The following KCNIP4 variants were observed in gnomAD, a reference collection of about 807,000 sequenced individuals.
The protein encoded by KCNIP4 is potassium voltage-gated channel interacting protein 4.
In KCNIP4, 12 loss-of-function variants were observed where a neutral mutation model predicts 34.0. That is an observed-to-expected ratio of 0.35 (90% CI 0.23 to 0.57). KCNIP4 has a LOEUF of 0.57. Ranked by LOEUF, KCNIP4 falls within the 20% of genes least tolerant of loss-of-function variation. The pLI is 0.83. For missense variants in KCNIP4, 238 were observed against 311.7 expected, an observed-to-expected ratio of 0.76 and a Z score of 1.78; for synonymous variants, 124 against 102.2, an observed-to-expected ratio of 1.21 and a Z score of -1.29.
At chr4:21,106,577 T>C (rs1348985365) in intron 1 of KCNIP4, among the ~76,000 whole-genome samples, 2 of 79,708 alleles carry the variant, frequency 2.5e-5, no homozygotes, top group African/African-American at 1.3e-4. Context: ...TTTTGAAGGG[T>C]TTTTTGTGTC....
chr4:21,632,547 T>A (rs1444883442), intron 1 of KCNIP4, among the ~76,000 whole-genome samples: 3 of 152,156 alleles, frequency 2.0e-5, no homozygotes, highest in Non-Finnish European at 4.4e-5. Context: ...TATAATAACC[T>A]CCTCTTTGCC....
At chr4:20,838,817 T>C (rs753949868) in intron 3 of KCNIP4, among the ~76,000 whole-genome samples, 4 of 152,198 alleles carry the variant, frequency 2.6e-5, no homozygotes, top group Non-Finnish European at 5.9e-5. Flanking sequence ...TCTTATAGGA[T>C]TGTTGCAGAT....
chr4:21,609,240 T>G (rs1454032332), intron 1 of KCNIP4, among the ~76,000 whole-genome samples: 2 of 152,070 alleles, frequency 1.3e-5, no homozygotes, highest in Non-Finnish European at 2.9e-5. Context: ...TGAATAAAAT[T>G]ATGGGTGTGT....
At position 20,852,381 on chromosome 4, in the gene KCNIP4, G is replaced by A. The variant is rs373537097; in HGVS notation, c.164-1714C>T. Reference sequence around the variant, plus strand: ...ACAGAATTAAAAACAAAAATCACACGATCATCTCAGTAGATGCTGAAAACC... The same window carrying A: ...ACAGAATTAAAAACAAAAATCACACAATCATCTCAGTAGATGCTGAAAACC... On this transcript the variant is annotated intron_variant, in intron 2 of 8. Transcript: ENST00000382152. 2.8e-4 allele frequency among the ~76,000 whole-genome samples: 43 copies of A among 152,182 alleles called. No individual in the cohort carries two copies. The South Asian group carries it at 3.7e-3, about 13-fold the overall frequency.
intron 1 of KCNIP4, among the ~76,000 whole-genome samples, chr4:21,173,939 C>T (rs1754203670): frequency 6.6e-6 from 1 of 152,176 alleles, no homozygotes; most frequent in Non-Finnish European, 1.5e-5. Flanking sequence ...CCTTTCTTAT[C>T]TCTGCACACC....
chr4:20,896,589 G>A (rs566163336), intron 1 of KCNIP4, among the ~76,000 whole-genome samples: 10 of 152,182 alleles, frequency 6.6e-5, no homozygotes, highest in Non-Finnish European at 1.2e-4. Context: ...AGGATTTCCC[G>A]TAATGACCAG....
intron 1 of KCNIP4, among the ~76,000 whole-genome samples, chr4:21,097,832 G>A (rs996980013): frequency 3.3e-5 from 5 of 152,140 alleles, no homozygotes; most frequent in African/African-American, 1.2e-4. Flanking sequence ...CCGTCTTTTA[G>A]TTTAAATCAA....
intron 1 of KCNIP4, among the ~76,000 whole-genome samples, chr4:20,940,075 T>C (rs1731485018): frequency 6.6e-6 from 1 of 151,600 alleles, no homozygotes; most frequent in Admixed American, 6.6e-5. Context: ...TCTCAATCCA[T>C]CAACCATTTC....
intron 1 of KCNIP4, among the ~76,000 whole-genome samples, chr4:21,502,300 G>T (rs1036511087): frequency 6.6e-6 from 1 of 152,054 alleles, no homozygotes; most frequent in African/African-American, 2.4e-5. Context: ...CTAATTAAAA[G>T]CTTAGTTCAG....
intron 1 of KCNIP4, among the ~76,000 whole-genome samples, chr4:20,940,346 T>C (rs771709651): frequency 2.0e-5 from 3 of 152,218 alleles, no homozygotes; most frequent in Non-Finnish European, 4.4e-5. Flanking sequence ...GCCTTTGAGT[T>C]CTTCGAGGAA....
At chr4:20,849,598 T>G (rs541126035) in intron 3 of KCNIP4, among the ~76,000 whole-genome samples, 25 of 151,908 alleles carry the variant, frequency 1.6e-4, no homozygotes, top group Non-Finnish European at 3.4e-4. Flanking sequence ...CATCACAGAC[T>G]TCTACACGCA....
At chr4:21,096,891 G>A (rs1326501315) in intron 1 of KCNIP4, among the ~76,000 whole-genome samples, 1 of 152,096 alleles carries the variant, frequency 6.6e-6, no homozygotes, top group Non-Finnish European at 1.5e-5. Flanking sequence ...CCTGAAGGAT[G>A]CTATGTCTCC....
At chr4:21,715,535 C>T (rs1714306055) in intron 1 of KCNIP4, among the ~76,000 whole-genome samples, 1 of 151,956 alleles carries the variant, frequency 6.6e-6, no homozygotes, top group East Asian at 1.9e-4. Context: ...GTGAACTGAA[C>T]AAAAAAATCC....
At position 20,882,658 on chromosome 4, in the gene KCNIP4, A is replaced by G; in HGVS notation, c.113T>C (p.Met38Thr). The change falls in exon 2 of 9, where the codon ATG becomes ACG. Residue 38 changes from methionine (M) to threonine (T), a missense_variant. Met to Thr is a moderately conservative substitution (Grantham distance 81). Transcript: ENST00000382152. ...GGCAGCTGAGCAGGGCAAGAGCTTC[A>G]TGAGCCGCTCTTTAATGCTGCGCTT... ...STKRSIKERL[M>T]KLLPCSAAKT... 6.2e-7 allele frequency: 1 copy of G among 1,613,624 alleles called. No individual in the cohort carries two copies. Among genetic ancestry groups the G allele is most frequent in the Non-Finnish European group, 8.5e-7 (1 of 1,179,872 alleles).
rs186565270 is a variant in KCNIP4, at chr4:21,416,456, C to T, written c.61+532115G>A. 8.4e-4 allele frequency among the ~76,000 whole-genome samples: 128 copies of T among 152,274 alleles called. 1 individual carries two copies. Among genetic ancestry groups the T allele is most frequent in the African/African-American group, 2.9e-3 (122 of 41,570 alleles). The stretch of plus-strand genomic sequence containing the variant: ...GCTATTAAATTAGGTTTTACCTCCC[C>T]AGATTGGTCCAGATTAAATACACTT... On this transcript the variant is annotated intron_variant, in intron 1 of 8. Coordinates refer to ENST00000382152, the MANE Select transcript of KCNIP4 (RefSeq NM_025221.6).
intron 1 of KCNIP4, among the ~76,000 whole-genome samples, chr4:20,986,280 A>C (rs1736570368): frequency 6.6e-6 from 1 of 152,154 alleles, no homozygotes; most frequent in Admixed American, 6.5e-5. Context: ...GTCCTGCCAA[A>C]GGTGCTTTTC....
At chr4:21,474,880 A>G (rs1730801267) in intron 1 of KCNIP4, among the ~76,000 whole-genome samples, 1 of 151,818 alleles carries the variant, frequency 6.6e-6, no homozygotes, top group Non-Finnish European at 1.5e-5. Context: ...AGGCGCCTGT[A>G]ATATCAGCTA....
intron 1 of KCNIP4, among the ~76,000 whole-genome samples, chr4:21,361,770 C>T (rs1719251673): frequency 6.6e-6 from 1 of 151,556 alleles, no homozygotes; most frequent in South Asian, 2.1e-4. Context: ...GGGTTGTAAT[C>T]CTAGAAAATT....
At chr4:20,955,209 T>C (rs561907820) in intron 1 of KCNIP4, among the ~76,000 whole-genome samples, 126 of 152,262 alleles carry the variant, frequency 8.3e-4, no homozygotes, top group African/African-American at 3.0e-3. Flanking sequence ...CTAGCTTCTA[T>C]GCCACTTAAA....
Sources: allele counts gnomAD v4.1 joint callset (sites outside exome capture counted in the v4.1 genomes callset), GRCh38; gene constraint gnomAD v4.1.1; transcripts MANE v1.5; gene names NCBI Gene and HGNC (gene_info 2026-07-23, HGNC 2026-07-21).